The following ATG4C variants were observed in gnomAD, a reference collection of about 807,000 sequenced individuals.
The protein encoded by ATG4C is autophagy related 4C cysteine peptidase, also known as cysteine protease ATG4C.
Under a neutral mutation model 57.6 loss-of-function variants are expected in ATG4C, and 56 were observed. That is an observed-to-expected ratio of 0.97 (90% CI 0.78 to 1.21). The LOEUF (loss-of-function observed/expected upper bound fraction) is 1.21. ATG4C is among the 50% of genes most tolerant of loss of function. The pLI, the probability that ATG4C is intolerant of heterozygous loss-of-function variation, is 0.00. For synonymous variants in ATG4C, 157 were observed against 174.1 expected, an observed-to-expected ratio of 0.90 and a Z score of 0.78; for missense variants, 595 against 529.8, an observed-to-expected ratio of 1.12 and a Z score of -1.21.
At position 62,821,191 on chromosome 1, in the gene ATG4C, G is replaced by A; in HGVS notation, c.778G>A (p.Val260Ile). Residue 260 changes from valine to isoleucine, a missense_variant, in exon 6 of 11, where the codon GTT becomes ATT. Coordinates refer to ENST00000317868, the MANE Select transcript of ATG4C (RefSeq NM_032852.4). ...TGATTTACAAGGAATAACTATTTATGTTGCACAAGATTGTACAGGTAAGGA... is the reference window on the plus strand; with the variant it reads ...TGATTTACAAGGAATAACTATTTATATTGCACAAGATTGTACAGGTAAGGA... ...HPDLQGITIY[V>I]AQDCTVYNSD... 1 of 1,598,606 alleles carries A rather than the reference G, an allele frequency of 6.3e-7. No homozygotes were observed. The highest frequency in any genetic ancestry group is 8.5e-7 in the Non-Finnish European group (1 of 1,174,066).
intron 10 of ATG4C, among the ~76,000 whole-genome samples, chr1:62,848,656 T>A (rs190817997): frequency 8.5e-5 from 13 of 152,316 alleles, no homozygotes; most frequent in Admixed American, 7.8e-4. Context: ...TAGTTGAGTG[T>A]GCACTTCTTG....
intron 3 of ATG4C, among the ~76,000 whole-genome samples, chr1:62,815,750 T>G (rs1665248838): frequency 6.6e-6 from 1 of 152,216 alleles, no homozygotes; most frequent in South Asian, 2.1e-4. Flanking sequence ...AGTGGCACGA[T>G]CTTGGCTCAC....
chr1:62,817,913 A>T (rs1665334952), intron 4 of ATG4C, among the ~76,000 whole-genome samples: 1 of 152,152 alleles, frequency 6.6e-6, no homozygotes, highest in Non-Finnish European at 1.5e-5. Context: ...GAGATTATTG[A>T]TGAGATTATT....
chr1:62,785,152 C>T (rs1664042194), intron 1 of ATG4C: 1 of 152,126 alleles, frequency 6.6e-6, no homozygotes, highest in East Asian at 1.9e-4. Flanking sequence ...GATTTTGTGT[C>T]AGTTGATGGC....
At chr1:62,863,357 AT>A (rs1217040641) in intron 10 of ATG4C, among the ~76,000 whole-genome samples, 1 of 152,000 alleles carries the variant, frequency 6.6e-6, no homozygotes, top group Non-Finnish European at 1.5e-5. Context: ...GACCAAAGTT[AT>A]TTTTTAAAAA....
intron 1 of ATG4C, among the ~76,000 whole-genome samples, chr1:62,786,924 T>C (rs1664109103): frequency 6.6e-6 from 1 of 152,002 alleles, no homozygotes; most frequent in Non-Finnish European, 1.5e-5. Context: ...GAGATGGTAT[T>C]TTGGACAAGG....
intron 10 of ATG4C, among the ~76,000 whole-genome samples, chr1:62,842,442 CAA>C (rs1355306745): frequency 6.6e-6 from 1 of 151,854 alleles, no homozygotes; most frequent in African/African-American, 2.4e-5. Context: ...GCTGGGATTA[CAA>C]GCATGTGCCA....
chr1:62,841,812 C>T (rs997068463), intron 10 of ATG4C, among the ~76,000 whole-genome samples: 3 of 152,018 alleles, frequency 2.0e-5, no homozygotes, highest in Non-Finnish European at 4.4e-5. Context: ...AACGCTAGAC[C>T]GGTCCAAGCA....
At chr1:62,823,992 C>T (rs1425760992) in intron 6 of ATG4C, among the ~76,000 whole-genome samples, 1 of 151,982 alleles carries the variant, frequency 6.6e-6, no homozygotes, top group Non-Finnish European at 1.5e-5. Context: ...GTGATATCAC[C>T]TTATAATTGT....
rs762455227 is a variant in ATG4C at position 62,816,760 on chromosome 1, G to A, written c.346G>A (p.Gly116Ser). The A allele has an allele frequency of 1.9e-6, 3 of 1,611,476 alleles. No individual in the cohort carries two copies. In the South Asian group the frequency reaches 3.3e-5, roughly 18 times the overall value. ...TGGGTGGGGCTGCACATTGAGAACT[G>A]GCCAGATGCTCTTGGCTCAAGGACT... is the stretch of plus-strand genomic sequence containing the variant. ...DCGWGCTLRT[G>S]QMLLAQGLIL... Residue 116 changes from glycine to serine, a missense_variant, in exon 4 of 11, where the codon GGC becomes AGC. Gly to Ser is a moderately conservative substitution (Grantham distance 56, BLOSUM62 0). Coordinates refer to ENST00000317868, the MANE Select transcript of ATG4C (RefSeq NM_032852.4).
chr1:62,863,513 G>A (rs570732497), intron 10 of ATG4C, among the ~76,000 whole-genome samples: 1 of 152,120 alleles, frequency 6.6e-6, no homozygotes, highest in African/African-American at 2.4e-5. Context: ...TTCAGGTAGA[G>A]TGATGTGTCC....
At chr1:62,806,040 A>G (rs1001242605) in intron 3 of ATG4C, among the ~76,000 whole-genome samples, 38 of 152,120 alleles carry the variant, frequency 2.5e-4, no homozygotes, top group African/African-American at 8.7e-4. Context: ...ATTTATTAGC[A>G]ATTTTCTAAA....
At chr1:62,821,096 G>A in intron 5 of ATG4C, 43 bp from the exon 6 acceptor site, 1 of 1,470,482 alleles carries the variant, frequency 6.8e-7, no homozygotes, top group South Asian at 1.3e-5. Context: ...TTGCCAATAG[G>A]AAATGTTAGG....
intron 1 of ATG4C, among the ~76,000 whole-genome samples, chr1:62,789,859 A>G (rs1664216097): frequency 6.6e-6 from 1 of 152,038 alleles, no homozygotes; most frequent in Non-Finnish European, 1.5e-5. Context: ...GGTATTGAAT[A>G]TGCTCTTTGC....
chr1:62,860,255 A>G (rs1251516985), intron 10 of ATG4C, among the ~76,000 whole-genome samples: 1 of 152,130 alleles, frequency 6.6e-6, no homozygotes. Flanking sequence ...GTGCCTCCTA[A>G]AGCACCTGCC....
chr1:62,862,870 C>T (rs1666897146), intron 10 of ATG4C, among the ~76,000 whole-genome samples: 1 of 151,952 alleles, frequency 6.6e-6, no homozygotes, highest in Non-Finnish European at 1.5e-5. Flanking sequence ...TGAGATAATG[C>T]AGTTTTGCCT....
chr1:62,815,936 C>T (rs1271669439), intron 3 of ATG4C, among the ~76,000 whole-genome samples: 3 of 152,090 alleles, frequency 2.0e-5, no homozygotes, highest in African/African-American at 4.8e-5. Flanking sequence ...CCATCTGGCT[C>T]AGCCTCCCAA....
intron 1 of ATG4C, among the ~76,000 whole-genome samples, chr1:62,789,417 A>G (rs1338524865): frequency 6.6e-6 from 1 of 152,178 alleles, no homozygotes; most frequent in Non-Finnish European, 1.5e-5. Flanking sequence ...TATTTGCACA[A>G]TAAGATGTTC....
chr1:62,843,402 T>A (rs1666231335), intron 10 of ATG4C, among the ~76,000 whole-genome samples: 2 of 152,208 alleles, frequency 1.3e-5, no homozygotes, highest in Non-Finnish European at 2.9e-5. Context: ...AAACTCACCA[T>A]GTCAGTTAAT....
Sources: allele counts gnomAD v4.1 joint callset (sites outside exome capture counted in the v4.1 genomes callset), GRCh38; gene constraint gnomAD v4.1.1; transcripts MANE v1.5; gene names NCBI Gene and HGNC (gene_info 2026-07-23, HGNC 2026-07-21).